MACROD2: variants seen among roughly 807,000 people sequenced by gnomAD.
The protein encoded by MACROD2 is mono-ADP ribosylhydrolase 2, also known as ADP-ribose glycohydrolase MACROD2.
In MACROD2, 36 loss-of-function variants were observed where a neutral mutation model predicts 70.4. The ratio of observed to expected loss-of-function variants is 0.51; its 90% CI spans 0.39 to 0.68. The LOEUF (loss-of-function observed/expected upper bound fraction) is 0.68, where lower values mean the gene tolerates loss of function less well. Among genes scored for constraint, MACROD2 ranks in the 30% least tolerant of loss-of-function variants. The pLI is 0.00. For missense variants in MACROD2, 496 were observed against 538.4 expected (o/e 0.92, Z 0.78); for synonymous variants, 172 against 178.8 (o/e 0.96, Z 0.30).
At chr20:14,019,585 T>C (rs915952567) in intron 2 of MACROD2, among the ~76,000 whole-genome samples, 1 of 152,078 alleles carries the variant, frequency 6.6e-6, no homozygotes, top group Non-Finnish European at 1.5e-5. Context: ...GTAGTGTTTT[T>C]TTGAAAGTAG....
rs903859309 is a variant in MACROD2, at chr20:15,890,739, G to GT, written c.775+4937dup. Among the ~76,000 whole-genome samples the GT allele has an allele frequency of 4.2e-4, 64 of 151,368 alleles. No individual in the cohort carries two copies. The East Asian group carries it at 5.4e-3, about 13-fold the overall frequency. Reference sequence around the variant, plus strand: ...TAATAGCACATCTATCAAATGTGGGGTTTTTTTTTGTTCTGTTCCTTTTTT... The same window carrying GT: ...TAATAGCACATCTATCAAATGTGGGGTTTTTTTTTTGTTCTGTTCCTTTTTT... On this transcript the variant is annotated intron_variant, in intron 10 of 17. Transcript: ENST00000684519.
At chr20:14,345,334 A>C (rs2083052849) in intron 3 of MACROD2, among the ~76,000 whole-genome samples, 1 of 152,178 alleles carries the variant, frequency 6.6e-6, no homozygotes, top group South Asian at 2.1e-4. Flanking sequence ...AGTTAGAGAC[A>C]ATTATATTAT....
chr20:15,930,018 A>G (rs992358168), intron 10 of MACROD2, among the ~76,000 whole-genome samples: 1 of 152,206 alleles, frequency 6.6e-6, no homozygotes, highest in Non-Finnish European at 1.5e-5. Flanking sequence ...ATGGAAATTT[A>G]TCATCTGAAA....
intron 10 of MACROD2, among the ~76,000 whole-genome samples, chr20:15,921,402 C>T (rs1166861823): frequency 6.6e-6 from 1 of 152,212 alleles, no homozygotes; most frequent in Non-Finnish European, 1.5e-5. Flanking sequence ...GGCACTCCCG[C>T]CCCATAGGCC....
chr20:14,238,671 C>T (rs946411385), intron 3 of MACROD2, among the ~76,000 whole-genome samples: 7 of 152,060 alleles, frequency 4.6e-5, no homozygotes, highest in African/African-American at 1.7e-4. Flanking sequence ...CAGTCTCTAC[C>T]CAAAAGCTCC....
intron 5 of MACROD2, among the ~76,000 whole-genome samples, chr20:15,046,100 C>T (rs955692267): frequency 2.6e-5 from 4 of 152,016 alleles, no homozygotes; most frequent in African/African-American, 9.7e-5. Context: ...GCATCTTCTT[C>T]GCCTTTTTCT....
intron 5 of MACROD2, among the ~76,000 whole-genome samples, chr20:15,062,142 C>T (rs75128527): frequency 6.6e-6 from 1 of 151,978 alleles, no homozygotes; most frequent in South Asian, 2.1e-4. Flanking sequence ...AGGAATTTGG[C>T]CTTGTGCGTG....
chr20:15,919,395 A>T (rs887269124), intron 10 of MACROD2, among the ~76,000 whole-genome samples: 1 of 151,934 alleles, frequency 6.6e-6, no homozygotes, highest in African/African-American at 2.4e-5. Flanking sequence ...ACCCTAGAAA[A>T]TTTTTTTCCT....
chr20:14,815,223 A>C (rs899526731), intron 5 of MACROD2, among the ~76,000 whole-genome samples: 17 of 152,042 alleles, frequency 1.1e-4, no homozygotes, highest in African/African-American at 4.1e-4. Context: ...TTTCCTGGAG[A>C]TAAGTTGTGT....
chr20:14,324,902 T>A (rs2082709277), intron 3 of MACROD2: 1 of 152,540 alleles, frequency 6.6e-6, no homozygotes. Flanking sequence ...TGCCAGCTGA[T>A]GTATTCAGTT....
chr20:14,170,518 C>G (rs2081211133), intron 3 of MACROD2, among the ~76,000 whole-genome samples: 1 of 152,110 alleles, frequency 6.6e-6, no homozygotes, highest in South Asian at 2.1e-4. Flanking sequence ...AGGTATGTTT[C>G]TTCTATGTCG....
At chr20:14,285,868 A>T (rs1601436242) in intron 3 of MACROD2, among the ~76,000 whole-genome samples, 1 of 152,212 alleles carries the variant, frequency 6.6e-6, no homozygotes, top group East Asian at 1.9e-4. Context: ...GTCCTGCTAC[A>T]GTTATGTATA....
intron 3 of MACROD2, among the ~76,000 whole-genome samples, chr20:14,294,894 G>T (rs559257494): frequency 6.6e-6 from 1 of 151,502 alleles, no homozygotes; most frequent in African/African-American, 2.4e-5. Flanking sequence ...TTTTATTAAT[G>T]TCTTACCTAA....
At chr20:15,254,252 A>T (rs1375263923) in intron 6 of MACROD2, among the ~76,000 whole-genome samples, 1 of 149,114 alleles carries the variant, frequency 6.7e-6, no homozygotes, top group Admixed American at 6.7e-5. Flanking sequence ...TCAGTTCAAA[A>T]AAAGTGTAAA....
At chr20:14,541,004 T>TAGGG (rs2085425379) in intron 4 of MACROD2, among the ~76,000 whole-genome samples, 1 of 152,222 alleles carries the variant, frequency 6.6e-6, no homozygotes, top group African/African-American at 2.4e-5. Context: ...ATTCTGTTGG[T>TAGGG]AGGGAATATC....
chr20:15,030,167 C>CATCTCCAT (rs1484581161), intron 5 of MACROD2, among the ~76,000 whole-genome samples: 2 of 151,974 alleles, frequency 1.3e-5, no homozygotes, highest in Non-Finnish European at 2.9e-5. Context: ...ACCACATCTG[C>CATCTCCAT]ATCTCCATGA....
chr20:14,434,726 C>T (rs931336506), intron 3 of MACROD2, among the ~76,000 whole-genome samples: 6 of 152,126 alleles, frequency 3.9e-5, no homozygotes, highest in African/African-American at 1.2e-4. Flanking sequence ...TCTATGTCCC[C>T]CATTTCTAAC....
At chr20:15,735,512 A>G (rs983432138) in intron 8 of MACROD2, among the ~76,000 whole-genome samples, 1 of 152,222 alleles carries the variant, frequency 6.6e-6, no homozygotes, top group African/African-American at 2.4e-5. Flanking sequence ...ATGAGAAATC[A>G]GAAGGGTATT....
rs113024167 is a variant in MACROD2, at chr20:15,269,989, T to G, written c.540+39928T>G. Among the ~76,000 whole-genome samples the G allele has an allele frequency of 3.8e-3, 582 of 152,214 alleles. 1 individual carries two copies. The highest frequency in any genetic ancestry group is 0.013 in the African/African-American group (548 of 41,542). On this transcript the variant is annotated intron_variant, in intron 6 of 17. Transcript: ENST00000684519. ...ATTTATGACAAGACTCTAGAAGACT[T>G]AAACTTTTAAGGCCCCAAGAGGTAA...
Sources: gnomAD v4.1 joint callset for allele counts (sites outside exome capture counted in the v4.1 genomes callset) on GRCh38, gnomAD v4.1.1 for gene constraint, MANE v1.5 for transcripts, NCBI Gene and HGNC (gene_info 2026-07-23, HGNC 2026-07-21) for gene names.